EML6: variants seen among roughly 807,000 people sequenced by gnomAD.
EML6 encodes echinoderm microtubule-associated protein-like 6.
EML6 carries 154 observed loss-of-function variants against 240.1 expected under a neutral mutation model. That is an observed-to-expected ratio of 0.64 (90% CI 0.56 to 0.73). The LOEUF is 0.73. Among genes scored for constraint, EML6 ranks in the 30% least tolerant of loss-of-function variants. EML6 has a pLI of 0.00. For missense variants in EML6, 2,964 were observed against 2,474.6 expected, an observed-to-expected ratio of 1.20 and a Z score of -4.20; for synonymous variants, 1,148 against 899.0, an observed-to-expected ratio of 1.28 and a Z score of -4.95.
intron 19 of EML6, among the ~76,000 whole-genome samples, chr2:54,893,966 C>T (rs1672620428): frequency 6.6e-6 from 1 of 152,064 alleles, no homozygotes; most frequent in Admixed American, 6.6e-5. Flanking sequence ...CTTGTTTAAG[C>T]TCTTGTTGTT....
intron 2 of EML6, among the ~76,000 whole-genome samples, chr2:54,747,655 G>T (rs1683973053): frequency 6.6e-6 from 1 of 152,118 alleles, no homozygotes; most frequent in South Asian, 2.1e-4. Flanking sequence ...GTAATTGTAA[G>T]GGAAATTGGA....
intron 32 of EML6, among the ~76,000 whole-genome samples, chr2:54,954,935 G>A (rs1473000918): frequency 6.6e-6 from 1 of 152,202 alleles, no homozygotes; most frequent in East Asian, 1.9e-4. Context: ...TCCCATCCAG[G>A]GCTCTGGAGT....
intron 7 of EML6, among the ~76,000 whole-genome samples, chr2:54,841,921 A>T (rs1159581137): frequency 6.6e-6 from 1 of 151,700 alleles, no homozygotes; most frequent in Admixed American, 6.6e-5. Flanking sequence ...TTTATTTTTT[A>T]GGACAGTTTA....
chr2:54,947,144 A>G (rs1011294234), intron 28 of EML6, among the ~76,000 whole-genome samples: 3 of 152,112 alleles, frequency 2.0e-5, no homozygotes, highest in Non-Finnish European at 4.4e-5. Context: ...CTCTCCTCAT[A>G]GCCCCTGGCT....
chr2:54,742,478 C>G (rs1683693810), intron 2 of EML6, among the ~76,000 whole-genome samples: 1 of 152,202 alleles, frequency 6.6e-6, no homozygotes, highest in African/African-American at 2.4e-5. Flanking sequence ...GGGGGCAGAA[C>G]TAATGTCTGT....
chr2:54,914,333 A>G (rs1673796750), intron 25 of EML6, among the ~76,000 whole-genome samples: 1 of 152,106 alleles, frequency 6.6e-6, no homozygotes, highest in Admixed American at 6.6e-5. Context: ...GAAGCCTCTC[A>G]ATTTCTCCTG....
intron 12 of EML6, 91 bp downstream of exon 12, chr2:54,859,792 T>C: frequency 2.6e-6 from 3 of 1,160,758 alleles, no homozygotes; most frequent in Non-Finnish European, 3.5e-6. Flanking sequence ...GTAAAGGATT[T>C]AAGCAATTTT....
At chr2:54,740,351 G>T (rs1427976816) in intron 2 of EML6, among the ~76,000 whole-genome samples, 2 of 152,162 alleles carry the variant, frequency 1.3e-5, no homozygotes, top group African/African-American at 4.8e-5. Context: ...CAGGGAAGTA[G>T]AATGCCCTTG....
chr2:54,871,035 T>A (rs747571614), intron 15 of EML6, among the ~76,000 whole-genome samples: 1 of 152,206 alleles, frequency 6.6e-6, no homozygotes, highest in Non-Finnish European at 1.5e-5. Flanking sequence ...AGTTATGCCA[T>A]GAAAATGTTA....
rs1291406663 is a variant in EML6, at chr2:54,806,554, A to AGTGAGCT, written c.198-6676_198-6670dup. ...CTTGAACCTGGGAGGCGGAGGTTGC[A>AGTGAGCT]GTGAGCTGAGATCACGCCCTTGCAC... is the stretch of plus-strand genomic sequence containing the variant. On this transcript the variant is annotated intron_variant, in intron 2 of 41. Transcript: ENST00000356458. Among the ~76,000 whole-genome samples, 10 of 129,134 alleles carry AGTGAGCT rather than the reference A, an allele frequency of 7.7e-5. No individual in the cohort carries two copies. The East Asian group carries it at 2.4e-3, about 31-fold the overall frequency. The allele number at this position is 129,134 out of a possible 152,430, so 84.7% of individuals were successfully genotyped here.
chr2:54,815,841 GAC>G (rs1180781255), intron 3 of EML6, among the ~76,000 whole-genome samples: 1 of 152,154 alleles, frequency 6.6e-6, no homozygotes, highest in Admixed American at 6.5e-5. Context: ...CATATACACA[GAC>G]ACACTCTCGA....
intron 26 of EML6, among the ~76,000 whole-genome samples, chr2:54,924,884 A>T (rs1674462509): frequency 6.6e-6 from 1 of 151,288 alleles, no homozygotes; most frequent in Admixed American, 6.6e-5. Flanking sequence ...TTTCAACCTG[A>T]TTTTTCTGGC....
At chr2:54,887,502 G>A (rs1672213171) in intron 17 of EML6, among the ~76,000 whole-genome samples, 1 of 152,046 alleles carries the variant, frequency 6.6e-6, no homozygotes, top group Non-Finnish European at 1.5e-5. Context: ...TTTTCATCAA[G>A]CAAAAGGTTT....
chr2:54,862,274 G>T (rs1009403949), intron 12 of EML6, among the ~76,000 whole-genome samples: 2 of 142,442 alleles, frequency 1.4e-5, no homozygotes, highest in Non-Finnish European at 3.0e-5. Context: ...GGAGGTGAAG[G>T]TTGCAGTGAG....
intron 2 of EML6, among the ~76,000 whole-genome samples, chr2:54,740,227 G>A (rs1425748147): frequency 1.3e-5 from 2 of 152,136 alleles, no homozygotes; most frequent in Non-Finnish European, 2.9e-5. Flanking sequence ...AGAAGGTAGG[G>A]AGGAAAGAAA....
chr2:54,738,190 C>G (rs1050129970), intron 2 of EML6, among the ~76,000 whole-genome samples: 2 of 151,970 alleles, frequency 1.3e-5, no homozygotes, highest in African/African-American at 4.8e-5. Context: ...CTGTTTCATT[C>G]ACTGCTCTGC....
intron 28 of EML6, among the ~76,000 whole-genome samples, chr2:54,930,507 CT>C (rs1403271406): frequency 3.3e-5 from 5 of 151,694 alleles, no homozygotes; most frequent in Non-Finnish European, 7.4e-5. Flanking sequence ...GTCGCATACA[CT>C]GGAATGACTC....
rs143757063 is a variant in EML6, at chr2:54,890,280, A to T, written c.2439-774A>T. ...CAGATTCTGTTTGCTAATATTTATG[A>T]TGTTTGTCTCTATATTCGTAAGGCA... is the stretch of plus-strand genomic sequence containing the variant. On this transcript the variant is annotated intron_variant, in intron 17 of 41. Transcript: ENST00000356458. 9.7e-4 allele frequency among the ~76,000 whole-genome samples: 147 copies of T among 152,172 alleles called. 1 individual carries two copies. Among genetic ancestry groups the T allele is most frequent in the African/African-American group, 3.5e-3 (145 of 41,520 alleles).
rs1676969086 is a variant in EML6 at position 54,971,070 on chromosome 2, A to T, written c.*975A>T. ...GTTAAATCTTAAGATAAATGAGGGT[A>T]ACCCAAGGCTGCACCTTGGTGTACC... On this transcript the variant is annotated 3_prime_UTR_variant, in exon 42 of 42. Transcript: ENST00000356458. The T allele has an allele frequency of 1.3e-5, 2 of 152,272 alleles. No individual in the cohort carries two copies. Among genetic ancestry groups the T allele is most frequent in the Admixed American group, 1.3e-4 (2 of 15,294 alleles). The allele number at this position is 152,272 out of a possible 1,614,324, so 9.4% of individuals were successfully genotyped here. A position where few individuals can be genotyped will look rare whatever the true frequency, so the allele number is the denominator to read the frequency against.
Sources: gnomAD v4.1 joint callset for allele counts (sites outside exome capture counted in the v4.1 genomes callset) on GRCh38, gnomAD v4.1.1 for gene constraint, MANE v1.5 for transcripts, NCBI Gene and HGNC (gene_info 2026-07-23, HGNC 2026-07-21) for gene names.